CNTNAP5: variants seen among roughly 807,000 people sequenced by gnomAD.
CNTNAP5 encodes contactin associated protein family member 5, also known as contactin-associated protein-like 5.
In CNTNAP5, 72 loss-of-function variants were observed where a neutral mutation model predicts 150.2. The ratio of observed to expected loss-of-function variants is 0.48; its 90% confidence interval spans 0.40 to 0.58. The LOEUF is 0.58. Ranked by LOEUF, CNTNAP5 falls within the 20% of genes least tolerant of loss-of-function variation. The probability of loss-of-function intolerance (pLI) is 0.00; values close to 1 mark genes in which losing one functional copy is unlikely to be tolerated. For missense variants in CNTNAP5, 1,636 were observed against 1,626.2 expected (o/e 1.01, Z -0.10); for synonymous variants, 672 against 619.8 (o/e 1.08, Z -1.25).
intron 6 of CNTNAP5, among the ~76,000 whole-genome samples, chr2:124,469,673 T>C (rs1479987978): frequency 6.6e-6 from 1 of 152,076 alleles, no homozygotes; most frequent in Non-Finnish European, 1.5e-5. Context: ...GAGCATCCAA[T>C]TTCCTAGGTA....
intron 21 of CNTNAP5, among the ~76,000 whole-genome samples, chr2:124,892,020 G>A (rs140630655): frequency 0.011 from 1,676 of 152,146 alleles, 11 homozygotes; most frequent in Non-Finnish European, 0.018. Context: ...GGCTATCTAA[G>A]GCTACAGTCT....
At chr2:124,264,840 T>A (rs896265003) in intron 3 of CNTNAP5, among the ~76,000 whole-genome samples, 1 of 152,216 alleles carries the variant, frequency 6.6e-6, no homozygotes, top group African/African-American at 2.4e-5. Flanking sequence ...TCTGCTACTA[T>A]GCGTGTCTAC....
At chr2:124,424,894 T>G (rs909609070) in intron 4 of CNTNAP5, among the ~76,000 whole-genome samples, 1 of 152,122 alleles carries the variant, frequency 6.6e-6, no homozygotes, top group Admixed American at 6.5e-5. Flanking sequence ...AGAAAAAAAA[T>G]ACACAGCTAA....
At chr2:124,223,486 A>C (rs1362687790) in intron 2 of CNTNAP5, among the ~76,000 whole-genome samples, 1 of 152,044 alleles carries the variant, frequency 6.6e-6, no homozygotes, top group Non-Finnish European at 1.5e-5. Flanking sequence ...TAGAGAACTG[A>C]ACTGGAGCAG....
chr2:124,430,937 T>G (rs894082736), intron 4 of CNTNAP5, among the ~76,000 whole-genome samples: 1 of 152,190 alleles, frequency 6.6e-6, no homozygotes, highest in Non-Finnish European at 1.5e-5. Flanking sequence ...AATGCCTTTG[T>G]ATTTTCAGGT....
At chr2:124,684,270 A>G (rs11676516) in intron 13 of CNTNAP5, among the ~76,000 whole-genome samples, 35,833 of 152,102 alleles carry the variant, frequency 0.24, 4,743 homozygotes, top group African/African-American at 0.36. Context: ...ATCTGAATAT[A>G]CACTCACAGG....
intron 3 of CNTNAP5, among the ~76,000 whole-genome samples, chr2:124,416,302 C>T (rs1043959177): frequency 6.6e-6 from 1 of 150,654 alleles, no homozygotes; most frequent in East Asian, 1.9e-4. Flanking sequence ...TGAGTTCCAG[C>T]GTTGGATATA....
intron 2 of CNTNAP5, among the ~76,000 whole-genome samples, chr2:124,222,450 A>T (rs1327268716): frequency 6.6e-6 from 1 of 152,114 alleles, no homozygotes; most frequent in Non-Finnish European, 1.5e-5. Flanking sequence ...ATGCATAGAT[A>T]CATAGGTAGA....
rs553832192 is a variant in CNTNAP5, at chr2:124,237,836, C to G, written c.188-4364C>G. On this transcript the variant is annotated intron_variant, in intron 2 of 23. Coordinates refer to ENST00000682447, the MANE Select transcript of CNTNAP5 (RefSeq NM_001367498.1). ...TGGGCGACAGAGCAAGACTCTGTCT[C>G]AAAAGAAAAAACAACAACAGCAACA... Among the ~76,000 whole-genome samples, 7 of 151,962 alleles carry G rather than the reference C, an allele frequency of 4.6e-5. No homozygotes were observed. The East Asian group carries it at 1.4e-3, about 30-fold the overall frequency.
intron 7 of CNTNAP5, among the ~76,000 whole-genome samples, chr2:124,482,871 T>TA (rs1274423959): frequency 6.6e-6 from 1 of 152,216 alleles, no homozygotes; most frequent in African/African-American, 2.4e-5. Context: ...GTGACTCTTG[T>TA]ACTCCTTCAA....
At chr2:124,899,545 C>A (rs1007568222) in intron 21 of CNTNAP5, among the ~76,000 whole-genome samples, 1 of 151,462 alleles carries the variant, frequency 6.6e-6, no homozygotes, top group African/African-American at 2.4e-5. Flanking sequence ...TTCCAAGATG[C>A]CTTTGGTTTC....
rs145095133 is a variant in CNTNAP5 at position 124,057,991 on chromosome 2, T to C, written c.82+32259T>C. The stretch of plus-strand genomic sequence containing the variant: ...AACCACAAAAATTAGATTTAAATTA[T>C]TTTTTTAAAAATTAAAAAATAAGTT... On this transcript the variant is annotated intron_variant, in intron 1 of 23. Coordinates refer to ENST00000682447, the MANE Select transcript of CNTNAP5 (RefSeq NM_001367498.1). 4.3e-3 allele frequency among the ~76,000 whole-genome samples: 661 copies of C among 152,210 alleles called. 5 individuals carry two copies. Among genetic ancestry groups the C allele is most frequent in the Middle Eastern group, 0.017 (5 of 294 alleles).
Position 124,773,004 on chromosome 2 carries a change from C to A in CNTNAP5, c.2739C>A (p.Ser913Arg), listed in dbSNP as rs773260317. ...EEGHFRLQLN[S>R]QLFVGGTSSR... ...GCCATTTTCGACTGCAGCTGAACAG[C>A]CAGTTGTTTGTAGGTAGGGGACATC... is the stretch of plus-strand genomic sequence containing the variant. The change falls in exon 17 of 24, where the codon AGC (serine) becomes AGA (arginine). Residue 913 changes from serine to arginine, a missense_variant. Physicochemically the swap from Ser to Arg is moderately radical, Grantham distance 110 (BLOSUM62 -1). Transcript: ENST00000682447. 2 of 1,612,778 alleles carry A rather than the reference C, an allele frequency of 1.2e-6. No homozygotes were observed. The highest frequency in any genetic ancestry group is 1.7e-5 in the Admixed American group (1 of 59,998).
intron 1 of CNTNAP5, among the ~76,000 whole-genome samples, chr2:124,202,332 G>A (rs1685747997): frequency 6.6e-6 from 1 of 152,146 alleles, no homozygotes; most frequent in South Asian, 2.1e-4. Context: ...GAGTGTCATA[G>A]CAGCCCCAAT....
chr2:124,112,678 T>C (rs780267274), intron 1 of CNTNAP5, among the ~76,000 whole-genome samples: 4 of 152,128 alleles, frequency 2.6e-5, no homozygotes, highest in Admixed American at 6.6e-5. Flanking sequence ...AATGAAAACA[T>C]CACAAGCATT....
chr2:124,674,514 T>TCTTTCTTTCTTC, intron 13 of CNTNAP5, among the ~76,000 whole-genome samples: 1 of 107,540 alleles, frequency 9.3e-6, no homozygotes, highest in South Asian at 3.3e-4. Flanking sequence ...TCTTTCTCTT[T>TCTTTCTTTCTTC]CTTTCTTTCT....
At chr2:124,115,458 C>T (rs184829824) in intron 1 of CNTNAP5, among the ~76,000 whole-genome samples, 150 of 152,102 alleles carry the variant, frequency 9.9e-4, no homozygotes, top group African/African-American at 3.4e-3. Flanking sequence ...TTTTGGAAAA[C>T]ATTGAAAAGA....
intron 13 of CNTNAP5, among the ~76,000 whole-genome samples, chr2:124,678,427 GT>G (rs1406634409): frequency 6.6e-6 from 1 of 151,614 alleles, no homozygotes; most frequent in East Asian, 1.9e-4. Context: ...CTAACTACAT[GT>G]TTCAGGTGGT....
At chr2:124,687,852 A>G (rs1387380362) in intron 13 of CNTNAP5, among the ~76,000 whole-genome samples, 1 of 152,128 alleles carries the variant, frequency 6.6e-6, no homozygotes, top group Non-Finnish European at 1.5e-5. Context: ...TGTTTTTAAT[A>G]GATTAAATTT....
Sources: allele counts gnomAD v4.1 joint callset (sites outside exome capture counted in the v4.1 genomes callset), GRCh38; gene constraint gnomAD v4.1.1; transcripts MANE v1.5; gene names NCBI Gene and HGNC (gene_info 2026-07-23, HGNC 2026-07-21).